MACF1: variants seen among roughly 807,000 people sequenced by gnomAD.
MACF1 encodes microtubule actin crosslinking factor 1.
In MACF1, 193 loss-of-function variants were observed where a neutral mutation model predicts 854.8. The ratio of observed to expected loss-of-function variants is 0.23; its 90% CI spans 0.20 to 0.25. The LOEUF (loss-of-function observed/expected upper bound fraction) is 0.25, where lower values mean the gene tolerates loss of function less well. Among genes scored for constraint, MACF1 ranks in the 10% least tolerant of loss-of-function variants. The probability of loss-of-function intolerance (pLI) is 1.00; values close to 1 mark genes in which losing one functional copy is unlikely to be tolerated. For synonymous variants in MACF1, 3,185 were observed against 3,226.7 expected (o/e 0.99, Z 0.44); for missense variants, 7,722 against 8,929.1 (o/e 0.86, Z 5.45).
chr1:39,351,553 T>G (rs966475361), intron 43 of MACF1, among the ~76,000 whole-genome samples: 3 of 151,228 alleles, frequency 2.0e-5, no homozygotes, highest in Non-Finnish European at 4.4e-5. Flanking sequence ...AGGAAGAGTA[T>G]TATTATGGGG....
At position 39,441,201 on chromosome 1, in the gene MACF1, CTGAT is replaced by C. The variant is rs767490582; in HGVS notation, c.18571-19_18571-16del. Reference sequence around the variant, plus strand: ...TGAAGAGTGGTATTGATTGAAGAATCTGATTGAATGTTTTTCCCCTAGATGAATA... The same window carrying C: ...TGAAGAGTGGTATTGATTGAAGAATCTGAATGTTTTTCCCCTAGATGAATA... On this transcript the variant is annotated intron_variant, in intron 73 of 100. Transcript: ENST00000564288. 61 of 1,613,646 alleles carry C rather than the reference CTGAT, an allele frequency of 3.8e-5. No individual in the cohort carries two copies. The highest frequency in any genetic ancestry group is 1.9e-5 in the Non-Finnish European group (22 of 1,179,592).
chr1:39,369,119 T>G (rs969534065), intron 50 of MACF1, among the ~76,000 whole-genome samples: 5 of 151,674 alleles, frequency 3.3e-5, no homozygotes, highest in Non-Finnish European at 7.4e-5. Flanking sequence ...ATTACAGGTG[T>G]GAACCACTAT....
At chr1:39,480,770 T>G (rs1165175388) in intron 98 of MACF1, 150 bp from the exon 99 acceptor site, 1 of 600,872 alleles carries the variant, frequency 1.7e-6, no homozygotes, top group African/African-American at 1.9e-5. Context: ...CTGGTCCTTC[T>G]CATCCTGATG....
chr1:39,163,884 A>C (rs1379179743), intron 2 of MACF1, among the ~76,000 whole-genome samples: 1 of 152,182 alleles, frequency 6.6e-6, no homozygotes, highest in Admixed American at 6.5e-5. Flanking sequence ...CATTGTCCTT[A>C]TAGAAAGCAG....
chr1:39,312,556 G>T (rs550848301), intron 26 of MACF1, among the ~76,000 whole-genome samples: 1 of 152,228 alleles, frequency 6.6e-6, no homozygotes, highest in African/African-American at 2.4e-5. Flanking sequence ...TGAGTGTGGT[G>T]GCTCACGTCT....
chr1:39,233,940 TC>T (rs1367276403), intron 2 of MACF1, among the ~76,000 whole-genome samples: 1 of 145,450 alleles, frequency 6.9e-6, no homozygotes, highest in Non-Finnish European at 1.5e-5. Context: ...CCTGCGGCCT[TC>T]CGCAGTGTTT....
intron 58 of MACF1, chr1:39,410,700 A>G (rs1257502704): frequency 6.2e-7 from 1 of 1,613,810 alleles, no homozygotes; most frequent in Non-Finnish European, 8.5e-7. Flanking sequence ...CAGAATTTGC[A>G]GAGAGGATAG....
intron 1 of MACF1, among the ~76,000 whole-genome samples, chr1:39,212,656 T>A (rs1644530550): frequency 6.6e-6 from 1 of 152,240 alleles, no homozygotes; most frequent in African/African-American, 2.4e-5. Flanking sequence ...ATAGTCTCAT[T>A]CTGTCGCCCC....
chr1:39,182,448 A>G (rs986278501), intron 2 of MACF1, among the ~76,000 whole-genome samples: 7 of 152,192 alleles, frequency 4.6e-5, no homozygotes, highest in African/African-American at 1.7e-4. Context: ...AAATATTTGC[A>G]AATCATATAT....
rs563082086 is a variant in MACF1, at chr1:39,452,619, A to G, written c.20614-65A>G. ...ATGAACACTGGACCCTTTCCCTAGC[A>G]TGTCCCAGTATCTAGGTCCTTGGCT... On this transcript the variant is annotated intron_variant, in intron 86 of 100. Coordinates refer to ENST00000564288, the MANE Select transcript of MACF1 (RefSeq NM_001394062.1). 276 of 1,598,796 alleles carry G rather than the reference A, an allele frequency of 1.7e-4. 3 individuals carry two copies. The South Asian group carries it at 2.8e-3, about 16-fold the overall frequency.
At chr1:39,441,812 A>G (rs781288065) in intron 74 of MACF1, 140 bp from the exon 75 acceptor site, 2 of 657,074 alleles carry the variant, frequency 3.0e-6, no homozygotes, top group Admixed American at 6.2e-5. Flanking sequence ...ATTATTCTTT[A>G]TCTGTGCCCC....
In MACF1 at chr1:39,452,684, G is replaced by T; in HGVS notation, c.20614G>T (p.Ala6872Ser). Residue 6872 changes from alanine to serine, a missense_variant and splice_region_variant, in exon 87 of 101, where the codon GCG (alanine) becomes TCG (serine). This residue lies in a region of MACF1 where 729 missense variants were observed against 900.5 expected (regional missense o/e 0.81). Coordinates refer to ENST00000564288, the MANE Select transcript of MACF1 (RefSeq NM_001394062.1). ...AATCTTTTGTGCTTGGTTATTTCAGGCGGAAGTGTTTCGAGACACAGTCCA... is the reference window on the plus strand; with the variant it reads ...AATCTTTTGTGCTTGGTTATTTCAGTCGGAAGTGTTTCGAGACACAGTCCA... ...QSRLEQALKQ[A>S]EVFRDTVHML... is the part of the protein sequence containing the mutation. The T allele has an allele frequency of 6.2e-7, 1 of 1,612,742 alleles. No homozygotes were observed. Among genetic ancestry groups the T allele is most frequent in the Non-Finnish European group, 8.5e-7 (1 of 1,179,990 alleles).
chr1:39,291,923 G>A lies in MACF1; in HGVS notation c.1799G>A (p.Arg600Gln), dbSNP rs139794027. The A allele has an allele frequency of 2.2e-3, 3,595 of 1,613,532 alleles. 14 individuals are homozygous for A. The highest frequency in any genetic ancestry group is 2.2e-3 in the Non-Finnish European group (2,578 of 1,179,872). The change falls in exon 16 of 101, where the codon CGA becomes CAA. Residue 600 changes from arginine to glutamine, a missense_variant. Arg to Gln is a conservative substitution (Grantham distance 43). This residue lies in a region of MACF1 where 1,137 missense variants were observed against 1,263.0 expected (regional missense o/e 0.90). Transcript: ENST00000564288. Reference sequence around the variant, plus strand: ...TTTCTTTTTCAGATGAAACTGGAGCGAGCAGAGTGGGGCAATGACCTGCCT... The same window carrying A: ...TTTCTTTTTCAGATGAAACTGGAGCAAGCAGAGTGGGGCAATGACCTGCCT... ...WVEEMQMKLE[R>Q]AEWGNDLPSV...
intron 94 of MACF1, 41 bp from the exon 95 acceptor site, chr1:39,465,054 T>TC (rs1644636053): frequency 3.2e-6 from 5 of 1,582,188 alleles, no homozygotes; most frequent in African/African-American, 2.7e-5. Flanking sequence ...TCTTTTTTTT[T>TC]CCCCTCCTTT....
intron 2 of MACF1, among the ~76,000 whole-genome samples, chr1:39,189,521 C>A (rs925768898): frequency 2.0e-5 from 3 of 152,200 alleles, no homozygotes; most frequent in African/African-American, 7.2e-5. Flanking sequence ...TCAACCCCAA[C>A]CCAAATACAC....
At chr1:39,412,953 C>T in intron 58 of MACF1, 1 of 1,596,770 alleles carries the variant, frequency 6.3e-7, no homozygotes, top group Non-Finnish European at 8.5e-7. Context: ...AGGAGGATGT[C>T]ACAGCTGCTG....
chr1:39,233,798 A>G (rs10888716), intron 2 of MACF1, among the ~76,000 whole-genome samples: 5 of 66,276 alleles, frequency 7.5e-5, no homozygotes, highest in South Asian at 7.5e-4. Flanking sequence ...TTTTTTTTTT[A>G]TTTATTTTTT....
chr1:39,347,571 G>C (rs1308335686), intron 41 of MACF1, among the ~76,000 whole-genome samples: 1 of 151,942 alleles, frequency 6.6e-6, no homozygotes, highest in Non-Finnish European at 1.5e-5. Context: ...GCATTGTTTT[G>C]AGGGCTCGTA....
intron 6 of MACF1, among the ~76,000 whole-genome samples, chr1:39,268,100 C>T (rs1325965020): frequency 8.5e-5 from 13 of 152,106 alleles, no homozygotes. Context: ...GTTTGGGAGC[C>T]ATAATTGCAG....
Sources: allele counts gnomAD v4.1 joint callset (sites outside exome capture counted in the v4.1 genomes callset), GRCh38; gene constraint gnomAD v4.1.1; regional missense constraint gnomAD v4.1.1; transcripts MANE v1.5; gene names NCBI Gene and HGNC (gene_info 2026-07-23, HGNC 2026-07-21).